BRINP3: variants seen among roughly 807,000 people sequenced by gnomAD.
BRINP3 encodes the protein BMP/retinoic acid-inducible neural-specific protein 3.
BRINP3 carries 19 observed loss-of-function variants against 71.0 expected under a neutral mutation model. The ratio of observed to expected loss-of-function variants is 0.27; its 90% CI spans 0.19 to 0.39. BRINP3 has a LOEUF of 0.39. Among genes scored for constraint, BRINP3 ranks in the 10% least tolerant of loss-of-function variants. BRINP3 has a pLI of 1.00. For synonymous variants in BRINP3, 380 were observed against 337.7 expected, an observed-to-expected ratio of 1.13 and a Z score of -1.37; for missense variants, 959 against 940.8, an observed-to-expected ratio of 1.02 and a Z score of -0.25.
chr1:190,260,252 A>G (rs1661067720), intron 4 of BRINP3, among the ~76,000 whole-genome samples: 1 of 152,018 alleles, frequency 6.6e-6, no homozygotes, highest in Non-Finnish European at 1.5e-5. Context: ...AGTTAAAAAT[A>G]TTGTATCACC....
At chr1:190,308,295 G>A (rs1665261471) in intron 2 of BRINP3, among the ~76,000 whole-genome samples, 2 of 151,850 alleles carry the variant, frequency 1.3e-5, no homozygotes, top group African/African-American at 4.8e-5. Context: ...TTTAGCACTA[G>A]ATAAAAGAAA....
At chr1:190,471,560 A>G (rs529095745) in intron 1 of BRINP3, among the ~76,000 whole-genome samples, 1 of 151,510 alleles carries the variant, frequency 6.6e-6, no homozygotes, top group African/African-American at 2.4e-5. Context: ...TTGCTAAATT[A>G]AAACACCAAA....
rs149004301 is a variant in BRINP3, at chr1:190,243,663, T to A, written c.619-9186A>T. On this transcript the variant is annotated intron_variant, in intron 4 of 7. Coordinates refer to ENST00000367462, the MANE Select transcript of BRINP3 (RefSeq NM_199051.3). Reference sequence around the variant, plus strand: ...ACAATAGGTACAGTTTGCAACCTGGTTCAGGGCTGTGGCATTTCCCTTGCA... The same window carrying A: ...ACAATAGGTACAGTTTGCAACCTGGATCAGGGCTGTGGCATTTCCCTTGCA... Among the ~76,000 whole-genome samples, 965 of 152,186 alleles carry A rather than the reference T, an allele frequency of 6.3e-3. 7 individuals carry two copies. The highest frequency in any genetic ancestry group is 0.011 in the Non-Finnish European group (735 of 68,004).
intron 2 of BRINP3, among the ~76,000 whole-genome samples, chr1:190,322,172 T>C (rs578037690): frequency 6.6e-6 from 1 of 152,022 alleles, no homozygotes; most frequent in Non-Finnish European, 1.5e-5. Flanking sequence ...ATATGGTATT[T>C]CCAGTAAATA....
intron 2 of BRINP3, among the ~76,000 whole-genome samples, chr1:190,317,860 T>C (rs1665988938): frequency 6.6e-6 from 1 of 152,114 alleles, no homozygotes; most frequent in African/African-American, 2.4e-5. Context: ...TTATGCACTC[T>C]AGCTGCAATT....
intron 1 of BRINP3, among the ~76,000 whole-genome samples, chr1:190,465,309 T>A (rs1210726516): frequency 1.3e-5 from 2 of 151,918 alleles, no homozygotes; most frequent in Non-Finnish European, 2.9e-5. Flanking sequence ...AAAATCTAAT[T>A]TTAATATAAA....
chr1:190,220,812 T>A (rs139889043), intron 6 of BRINP3, among the ~76,000 whole-genome samples: 1 of 151,948 alleles, frequency 6.6e-6, no homozygotes, highest in Non-Finnish European at 1.5e-5. Flanking sequence ...AACATACAAA[T>A]ATGCCAAAAA....
intron 2 of BRINP3, among the ~76,000 whole-genome samples, chr1:190,443,414 A>G (rs1051163523): frequency 1.3e-5 from 2 of 151,758 alleles, no homozygotes; most frequent in African/African-American, 2.4e-5. Context: ...CAAAAAAAAA[A>G]AAAAGAAAAG....
chr1:190,147,336 T>C (rs1374521638), intron 7 of BRINP3, among the ~76,000 whole-genome samples: 1 of 152,156 alleles, frequency 6.6e-6, no homozygotes, highest in African/African-American at 2.4e-5. Context: ...TTCTTTGGCA[T>C]AATTATACTA....
chr1:190,170,470 TA>T (rs1301660298), intron 6 of BRINP3, among the ~76,000 whole-genome samples: 1 of 152,142 alleles, frequency 6.6e-6, no homozygotes, highest in Non-Finnish European at 1.5e-5. Flanking sequence ...TATAAACATC[TA>T]CAGACTAGTT....
At chr1:190,130,914 G>C (rs1396450759) in intron 7 of BRINP3, among the ~76,000 whole-genome samples, 1 of 151,824 alleles carries the variant, frequency 6.6e-6, no homozygotes, top group Non-Finnish European at 1.5e-5. Context: ...CATACATCGG[G>C]ATTCCTGAAC....
chr1:190,245,334 G>T (rs941259116), intron 4 of BRINP3, among the ~76,000 whole-genome samples: 3 of 150,688 alleles, frequency 2.0e-5, no homozygotes, highest in African/African-American at 7.3e-5. Context: ...ATCAGTAAAA[G>T]TCAGCAGTAA....
At chr1:190,136,137 T>A (rs976757505) in intron 7 of BRINP3, among the ~76,000 whole-genome samples, 1 of 152,124 alleles carries the variant, frequency 6.6e-6, no homozygotes, top group Non-Finnish European at 1.5e-5. Context: ...TGAGAGAAAT[T>A]CCAATACAGT....
chr1:190,351,234 T>G (rs1485008246), intron 2 of BRINP3, among the ~76,000 whole-genome samples: 1 of 152,050 alleles, frequency 6.6e-6, no homozygotes, highest in Non-Finnish European at 1.5e-5. Context: ...GTGTGTGTGT[T>G]TTGCATTGCC....
chr1:190,373,434 A>ATGTG (rs71123087), intron 2 of BRINP3, among the ~76,000 whole-genome samples: 71 of 143,920 alleles, frequency 4.9e-4, no homozygotes, highest in South Asian at 3.1e-3. Flanking sequence ...ATATATATAT[A>ATGTG]TGTGTGTGTG....
chr1:190,315,228 T>C (rs1424778357), intron 2 of BRINP3, among the ~76,000 whole-genome samples: 1 of 152,104 alleles, frequency 6.6e-6, no homozygotes, highest in Non-Finnish European at 1.5e-5. Flanking sequence ...GGACTGAATT[T>C]AAGATTAGAT....
intron 1 of BRINP3, among the ~76,000 whole-genome samples, chr1:190,463,498 T>G (rs1317382592): frequency 6.6e-6 from 1 of 151,796 alleles, no homozygotes; most frequent in Non-Finnish European, 1.5e-5. Context: ...AAAAAAAGTT[T>G]TAAAGACATT....
At chr1:190,240,980 T>C (rs1022565404) in intron 4 of BRINP3, among the ~76,000 whole-genome samples, 1 of 151,798 alleles carries the variant, frequency 6.6e-6, no homozygotes, top group African/African-American at 2.4e-5. Flanking sequence ...TTATGTTTTA[T>C]TATGCCCATC....
intron 2 of BRINP3, among the ~76,000 whole-genome samples, chr1:190,301,012 G>A (rs993100428): frequency 7.3e-5 from 11 of 151,556 alleles, no homozygotes; most frequent in Non-Finnish European, 1.6e-4. Flanking sequence ...CAAAGGCAAA[G>A]AAGTTGAAAA....
Sources: gnomAD v4.1 joint callset for allele counts (sites outside exome capture counted in the v4.1 genomes callset) on GRCh38, gnomAD v4.1.1 for gene constraint, MANE v1.5 for transcripts, NCBI Gene and HGNC (gene_info 2026-07-23, HGNC 2026-07-21) for gene names.